ME1: variants seen among roughly 807,000 people sequenced by gnomAD.
The protein encoded by ME1 is malic enzyme 1.
ME1 carries 74 observed loss-of-function variants against 66.4 expected under a neutral mutation model. That is an observed-to-expected ratio of 1.11 (90% CI 0.92 to 1.35). ME1 has a LOEUF of 1.35. ME1 is among the 40% of genes most tolerant of loss of function. The probability of loss-of-function intolerance (pLI) is 0.00; values close to 1 mark genes in which losing one functional copy is unlikely to be tolerated. For synonymous variants in ME1, 251 were observed against 235.6 expected (o/e 1.07, Z -0.60); for missense variants, 750 against 694.1 (o/e 1.08, Z -0.90).
chr6:83,385,080 T>C (rs1769481324), intron 3 of ME1, among the ~76,000 whole-genome samples: 1 of 151,922 alleles, frequency 6.6e-6, no homozygotes, highest in South Asian at 2.1e-4. Context: ...TAAACATTCC[T>C]ATTTCCACCA....
intron 6 of ME1, among the ~76,000 whole-genome samples, chr6:83,280,437 T>G (rs1767266001): frequency 6.6e-6 from 1 of 152,132 alleles, no homozygotes; most frequent in Non-Finnish European, 1.5e-5. Context: ...TATAAATGTA[T>G]ACTATAAACT....
intron 6 of ME1, among the ~76,000 whole-genome samples, chr6:83,270,254 T>C (rs1434744416): frequency 2.6e-5 from 4 of 152,164 alleles, no homozygotes; most frequent in African/African-American, 9.6e-5. Flanking sequence ...CCATATCTGC[T>C]TTTACATTCT....
At chr6:83,400,380 G>C (rs1303214305) in intron 2 of ME1, among the ~76,000 whole-genome samples, 1 of 152,034 alleles carries the variant, frequency 6.6e-6, no homozygotes. Context: ...CAGATAATTG[G>C]TGCCATGTTT....
intron 3 of ME1, among the ~76,000 whole-genome samples, chr6:83,361,371 C>A (rs1189008233): frequency 6.6e-6 from 1 of 152,228 alleles, no homozygotes; most frequent in Non-Finnish European, 1.5e-5. Flanking sequence ...ATTTGAGAGG[C>A]AACACATTCC....
At chr6:83,364,659 T>C (rs1456362268) in intron 3 of ME1, among the ~76,000 whole-genome samples, 1 of 152,172 alleles carries the variant, frequency 6.6e-6, no homozygotes, top group Non-Finnish European at 1.5e-5. Flanking sequence ...CTAGAGACTA[T>C]ATATAGGTAC....
chr6:83,395,013 T>G (rs1769702027), intron 3 of ME1, among the ~76,000 whole-genome samples: 2 of 152,146 alleles, frequency 1.3e-5, no homozygotes, highest in Admixed American at 6.6e-5. Flanking sequence ...TGTTTTAACT[T>G]GTAAAAATAT....
chr6:83,331,585 C>CAAA (rs1222661961), intron 5 of ME1, among the ~76,000 whole-genome samples: 87 of 73,246 alleles, frequency 1.2e-3, no homozygotes, highest in African/African-American at 4.1e-3. Context: ...GACTCCATCT[C>CAAA]AAAAAAAAAA....
intron 6 of ME1, among the ~76,000 whole-genome samples, chr6:83,277,906 A>ATAATAATAATAATAATAATAATAC (rs1562467172): frequency 1.3e-5 from 2 of 149,612 alleles, no homozygotes; most frequent in Middle Eastern, 3.5e-3. Flanking sequence ...TCTCAAAATA[A>ATAATAATAATAATAATAATAATAC]TAATAATAAT....
intron 6 of ME1, among the ~76,000 whole-genome samples, chr6:83,278,468 C>T (rs142389271): frequency 7.4e-4 from 113 of 152,236 alleles, no homozygotes; most frequent in African/African-American, 2.5e-3. Flanking sequence ...TAGAGAGGAG[C>T]TCTTGCTCTG....
chr6:83,255,645 C>G (rs953817639), intron 6 of ME1, among the ~76,000 whole-genome samples: 4 of 152,080 alleles, frequency 2.6e-5, no homozygotes, highest in African/African-American at 9.7e-5. Context: ...AATCACCCAA[C>G]TATGTCAGCA....
rs61055748 is a variant in ME1 at position 83,298,931 on chromosome 6, G to GTTTTTTTTTTTTTTTTTTTTTTTTTTT, written c.704+16352_704+16378dup. 3.1e-4 allele frequency among the ~76,000 whole-genome samples: 7 copies of GTTTTTTTTTTTTTTTTTTTTTTTTTTT among 22,458 alleles called. 2 individuals carry two copies. Among genetic ancestry groups the GTTTTTTTTTTTTTTTTTTTTTTTTTTT allele is most frequent in the Non-Finnish European group, 3.9e-4 (5 of 12,852 alleles). 14.7% of individuals were successfully genotyped at this position (22,458 alleles called of 152,430 possible). A position where few individuals can be genotyped will look rare whatever the true frequency, so the allele number is the denominator to read the frequency against. On this transcript the variant is annotated intron_variant, in intron 6 of 13. Transcript: ENST00000369705. ...TGCTGTTCCATTAGTCTATGTGTCT[G>GTTTTTTTTTTTTTTTTTTTTTTTTTTT]TTTTTTTTTTTTTTTTTTTTTTTTT...
chr6:83,274,694 A>G (rs1767144608), intron 6 of ME1, among the ~76,000 whole-genome samples: 1 of 152,224 alleles, frequency 6.6e-6, no homozygotes, highest in Non-Finnish European at 1.5e-5. Flanking sequence ...TAAAACCAAC[A>G]AGTAAGCAAT....
Position 83,216,534 on chromosome 6 carries a change from A to G in ME1, c.1512T>C (p.Asn504=). 1 of 1,612,006 alleles carries G rather than the reference A, an allele frequency of 6.2e-7. No individual in the cohort carries two copies. Residue 504 remains asparagine (N), a synonymous_variant, in exon 13 of 14, where the codon AAT becomes AAC. Coordinates refer to ENST00000369705, the MANE Select transcript of ME1 (RefSeq NM_002395.6). ...TTTTCAGAGAAACATCTCTAATGGTATTCAAAGGAGGATAAAGCCGACCCT... is the reference window on the plus strand; with the variant it reads ...TTTTCAGAGAAACATCTCTAATGGTGTTCAAAGGAGGATAAAGCCGACCCT... ...LEEGRLYPPL[N]TIRDVSLKIA... is the part of the protein sequence containing the mutation.
rs71545854 is a variant in ME1, at chr6:83,283,227, CAAAAAAA to C, written c.705-29496_705-29490del. On this transcript the variant is annotated intron_variant, in intron 6 of 13. Coordinates refer to ENST00000369705, the MANE Select transcript of ME1 (RefSeq NM_002395.6). ...TGGGCGACAGAGCAAGACTCCGTCT[CAAAAAAA>C]AAAAAAAAAAAAAATGATGAGTTCA... 4.3e-3 allele frequency among the ~76,000 whole-genome samples: 125 copies of C among 28,916 alleles called. 11 individuals are homozygous for C. Among genetic ancestry groups the C allele is most frequent in the African/African-American group, 0.017 (121 of 7,236 alleles). The allele number at this position is 28,916 out of a possible 152,430, so 19.0% of individuals were successfully genotyped here. A position where few individuals can be genotyped will look rare whatever the true frequency, so the allele number is the denominator to read the frequency against.
At chr6:83,365,165 T>A (rs1769080234) in intron 3 of ME1, among the ~76,000 whole-genome samples, 1 of 152,180 alleles carries the variant, frequency 6.6e-6, no homozygotes, top group South Asian at 2.1e-4. Flanking sequence ...CGATGTTGGC[T>A]CACTGCAACC....
At chr6:83,228,737 G>T in intron 10 of ME1, 89 bp downstream of exon 10, 1 of 865,628 alleles carries the variant, frequency 1.2e-6, no homozygotes, top group Non-Finnish European at 1.9e-6. Flanking sequence ...AATTCAAAAA[G>T]GCTAAATTAT....
At chr6:83,303,152 A>G (rs1220336529) in intron 6 of ME1, among the ~76,000 whole-genome samples, 1 of 152,198 alleles carries the variant, frequency 6.6e-6, no homozygotes, top group East Asian at 1.9e-4. Context: ...AATTATTTCC[A>G]TATCTGCTTT....
At chr6:83,225,205 C>CAAAAAAAAAAAAA (rs146673365) in intron 11 of ME1, among the ~76,000 whole-genome samples, 2 of 40,498 alleles carry the variant, frequency 4.9e-5, no homozygotes, top group Admixed American at 2.6e-4. Flanking sequence ...GACTCCATCT[C>CAAAAAAAAAAAAA]AAAAAAAAAA....
chr6:83,412,284 TTA>T (rs748541920), intron 1 of ME1, among the ~76,000 whole-genome samples: 9 of 152,152 alleles, frequency 5.9e-5, no homozygotes, highest in Non-Finnish European at 8.8e-5. Flanking sequence ...TTTAAGACAA[TTA>T]ATCTATACAT....
Sources: allele counts gnomAD v4.1 joint callset (sites outside exome capture counted in the v4.1 genomes callset), GRCh38; gene constraint gnomAD v4.1.1; transcripts MANE v1.5; gene names NCBI Gene and HGNC (gene_info 2026-07-23, HGNC 2026-07-21).